SV2C: variants seen among roughly 807,000 people sequenced by gnomAD.
The protein encoded by SV2C is synaptic vesicle glycoprotein 2C.
Under a neutral mutation model 79.7 loss-of-function variants are expected in SV2C, and 49 were observed. The observed-to-expected ratio is 0.61, with a 90% CI of 0.49 to 0.78. The LOEUF (loss-of-function observed/expected upper bound fraction) is 0.78, where lower values mean the gene tolerates loss of function less well. Among genes scored for constraint, SV2C ranks in the 30% least tolerant of loss-of-function variants. The pLI is 0.00. For synonymous variants in SV2C, 334 were observed against 333.2 expected (o/e 1.00, Z -0.03); for missense variants, 833 against 912.9 (o/e 0.91, Z 1.13).
intron 1 of SV2C, among the ~76,000 whole-genome samples, chr5:76,099,269 T>A (rs1280397490): frequency 6.6e-6 from 1 of 152,154 alleles, no homozygotes; most frequent in East Asian, 1.9e-4. Context: ...ATTGAAGTGC[T>A]ATAAAATGTA....
chr5:76,212,080 C>G (rs968121891), intron 4 of SV2C, among the ~76,000 whole-genome samples: 1 of 151,062 alleles, frequency 6.6e-6, no homozygotes, highest in Non-Finnish European at 1.5e-5. Context: ...CTTCTGCCAC[C>G]ATCCAAGGAA....
chr5:76,261,148 G>A (rs1746447557), intron 4 of SV2C, among the ~76,000 whole-genome samples: 1 of 152,090 alleles, frequency 6.6e-6, no homozygotes, highest in African/African-American at 2.4e-5. Flanking sequence ...TCCTTGAAGA[G>A]ATCCTTCATG....
At chr5:76,258,205 G>A (rs939054219) in intron 4 of SV2C, among the ~76,000 whole-genome samples, 10 of 151,872 alleles carry the variant, frequency 6.6e-5, no homozygotes, top group Non-Finnish European at 1.3e-4. Context: ...AAAGGTCAGA[G>A]CTTCCTGCAC....
the SV2C span, among the ~76,000 whole-genome samples, chr5:76,038,236 C>G: frequency 6.6e-6 from 1 of 152,196 alleles, no homozygotes; most frequent in African/African-American, 2.4e-5. Flanking sequence ...ATATGTAAGA[C>G]TCAGTACACT....
chr5:76,223,309 T>A (rs1188089089), intron 4 of SV2C, among the ~76,000 whole-genome samples: 1 of 151,340 alleles, frequency 6.6e-6, no homozygotes, highest in Non-Finnish European at 1.5e-5. Context: ...ACACCTGTGC[T>A]CCTAGCTATT....
At chr5:76,032,660 G>T in the SV2C span, among the ~76,000 whole-genome samples, 3 of 152,146 alleles carry the variant, frequency 2.0e-5, no homozygotes, top group Non-Finnish European at 2.9e-5. Flanking sequence ...TTGGACATCT[G>T]GGTTGGTTCC....
At chr5:76,291,575 TGA>T (rs1426175384) in intron 7 of SV2C, among the ~76,000 whole-genome samples, 191 bp from the exon 8 acceptor site, 2 of 152,200 alleles carry the variant, frequency 1.3e-5, no homozygotes, top group African/African-American at 4.8e-5. Flanking sequence ...CTTCAAATCT[TGA>T]GTTACCTTGT....
chr5:76,086,546 T>C (rs1401445110), intron 1 of SV2C, among the ~76,000 whole-genome samples: 1 of 152,252 alleles, frequency 6.6e-6, no homozygotes, highest in East Asian at 1.9e-4. Flanking sequence ...CCTGTTTGAC[T>C]GTGGTTCACA....
At position 76,131,787 on chromosome 5, in the gene SV2C, A is replaced by C. The variant is rs990769531; in HGVS notation, c.37A>C (p.Lys13Gln). 33 of 1,613,616 alleles carry C rather than the reference A, an allele frequency of 2.0e-5. No homozygotes were observed. The highest frequency in any genetic ancestry group is 2.5e-5 in the Non-Finnish European group (30 of 1,179,858). Reference sequence around the variant, plus strand: ...TTACAAGGATAGGACTTCACTGATGAAGGGTGCCAAGGACATTGCCAGAGA... The same window carrying C: ...TTACAAGGATAGGACTTCACTGATGCAGGGTGCCAAGGACATTGCCAGAGA... ...DSYKDRTSLM[K>Q]GAKDIAREVK... The change falls in exon 2 of 13, where the codon AAG becomes CAG. Residue 13 changes from lysine (K) to glutamine (Q), a missense_variant. By Grantham distance (53) the Lys-to-Gln change is moderately conservative. Transcript: ENST00000502798.
chr5:76,237,476 A>G (rs1166241069), intron 4 of SV2C, among the ~76,000 whole-genome samples: 2 of 152,130 alleles, frequency 1.3e-5, no homozygotes, highest in Middle Eastern at 3.2e-3. Context: ...GGTCTGCTGC[A>G]TATCTGTCAT....
At chr5:75,938,669 C>T in the SV2C span, among the ~76,000 whole-genome samples, 5 of 152,044 alleles carry the variant, frequency 3.3e-5, no homozygotes, top group Non-Finnish European at 7.4e-5. Context: ...GGGAGTGTAG[C>T]GGGGTCTGGG....
At chr5:75,981,068 A>G in the SV2C span, among the ~76,000 whole-genome samples, 1 of 152,332 alleles carries the variant, frequency 6.6e-6, no homozygotes, top group Non-Finnish European at 1.5e-5. Context: ...CTATACATCA[A>G]GAACAGTCAA....
the SV2C span, among the ~76,000 whole-genome samples, chr5:75,880,376 A>T: frequency 1.5e-4 from 23 of 152,178 alleles, no homozygotes; most frequent in African/African-American, 5.3e-4. Flanking sequence ...ACTTTAAGTC[A>T]TTTCTTTGCT....
chr5:75,918,336 G>A, the SV2C span, among the ~76,000 whole-genome samples: 2 of 152,118 alleles, frequency 1.3e-5, no homozygotes, highest in South Asian at 4.1e-4. Flanking sequence ...ATAAACAGGG[G>A]CTTTATATTC....
intron 4 of SV2C, among the ~76,000 whole-genome samples, chr5:76,239,267 A>G (rs2112416966): frequency 6.6e-6 from 1 of 152,280 alleles, no homozygotes; most frequent in East Asian, 1.9e-4. Flanking sequence ...GATGTTTGAA[A>G]TGACAGAATG....
At chr5:76,263,109 G>T (rs949349590) in intron 4 of SV2C, among the ~76,000 whole-genome samples, 1 of 152,078 alleles carries the variant, frequency 6.6e-6, no homozygotes, top group Admixed American at 6.6e-5. Flanking sequence ...ATGAATCTGG[G>T]TGCTCCTATA....
intron 1 of SV2C, among the ~76,000 whole-genome samples, chr5:76,112,490 CAA>C (rs1391116492): frequency 1.3e-5 from 2 of 152,242 alleles, no homozygotes; most frequent in African/African-American, 4.8e-5. Flanking sequence ...CCTTGTGCGC[CAA>C]GGGGATGGGG....
At chr5:76,004,733 C>A in the SV2C span, among the ~76,000 whole-genome samples, 1 of 152,100 alleles carries the variant, frequency 6.6e-6, no homozygotes. Context: ...CTCTTGTTAC[C>A]TGCATGATGA....
At chr5:75,967,907 T>G in the SV2C span, among the ~76,000 whole-genome samples, 2 of 152,296 alleles carry the variant, frequency 1.3e-5, no homozygotes, top group East Asian at 3.9e-4. Context: ...GTAGCCTAAC[T>G]GGGAGGCACC....
Sources: allele counts gnomAD v4.1 joint callset (sites outside exome capture counted in the v4.1 genomes callset), GRCh38; gene constraint gnomAD v4.1.1; transcripts MANE v1.5; gene names NCBI Gene and HGNC (gene_info 2026-07-23, HGNC 2026-07-21).